The following NOXRED1 variants were observed in gnomAD, a reference collection of about 807,000 sequenced individuals.
NOXRED1 encodes NADP dependent oxidoreductase domain containing 1, also known as NADP-dependent oxidoreductase domain-containing protein 1.
Under a neutral mutation model 30.4 loss-of-function variants are expected in NOXRED1, and 20 were observed. The ratio of observed to expected loss-of-function variants is 0.66; its 90% CI spans 0.46 to 0.96. The LOEUF (loss-of-function observed/expected upper bound fraction) is 0.96, where lower values mean the gene tolerates loss of function less well. NOXRED1 is among the 40% of genes least tolerant of loss of function. The pLI, the probability that NOXRED1 is intolerant of heterozygous loss-of-function variation, is 0.00. For synonymous variants in NOXRED1, 155 were observed against 168.0 expected (o/e 0.92, Z 0.60); for missense variants, 374 against 428.0 (o/e 0.87, Z 1.11).
At chr14:77,408,798 G>T (rs1894552913) in intron 2 of NOXRED1, among the ~76,000 whole-genome samples, 1 of 149,734 alleles carries the variant, frequency 6.7e-6, no homozygotes, top group African/African-American at 2.4e-5. Context: ...AACAGTTTCT[G>T]TAAAGTATAT....
At chr14:77,405,875 G>A (rs1198013874) in intron 5 of NOXRED1, 38 bp downstream of exon 5, 1 of 1,213,732 alleles carries the variant, frequency 8.2e-7, no homozygotes, top group Non-Finnish European at 1.2e-6. Flanking sequence ...AGAAGAGTCT[G>A]GGAGAAATGA....
intron 2 of NOXRED1, among the ~76,000 whole-genome samples, chr14:77,412,118 A>T (rs1212331103): frequency 1.3e-5 from 2 of 151,652 alleles, no homozygotes; most frequent in Non-Finnish European, 2.9e-5. Context: ...AAAAAAAAAA[A>T]AAAAAAAAAT....
At chr14:77,424,736 T>C (rs1347169561), upstream of NOXRED1, among the ~76,000 whole-genome samples, 1 of 152,224 alleles carries the variant, frequency 6.6e-6, no homozygotes, top group Admixed American at 6.5e-5. Context: ...TCAGTTGTTA[T>C]ATTTTGTATT....
At chr14:77,402,357 G>C (rs1894350995) in intron 5 of NOXRED1, among the ~76,000 whole-genome samples, 1 of 152,256 alleles carries the variant, frequency 6.6e-6, no homozygotes, top group Non-Finnish European at 1.5e-5. Flanking sequence ...CGGGCGCCAT[G>C]GCTCACGCCT....
Position 77,398,692 on chromosome 14 carries a change from C to T in NOXRED1, c.906-3887G>A, listed in dbSNP as rs139380438. Among the ~76,000 whole-genome samples the T allele has an allele frequency of 7.7e-3, 1,171 of 152,236 alleles. 9 individuals carry two copies. Among genetic ancestry groups the T allele is most frequent in the African/African-American group, 0.027 (1,120 of 41,542 alleles). ...CATTATTAAAGACCTATTTACAGGC[C>T]GGGTGCGATGGCTCATGCCTGTAAT... On this transcript the variant is annotated intron_variant, in intron 5 of 5. Coordinates refer to ENST00000380835, the MANE Select transcript of NOXRED1 (RefSeq NM_001113475.3).
rs999689478 is a variant in NOXRED1 at position 77,394,733 on chromosome 14, A to T, written c.978T>A (p.Ser326Arg). ...ETPFSQHLSS[S>R]PVLQDHLTHL... Reference sequence around the variant, plus strand: ...GGGTAAGGTGGTCTTGGAGAACAGGACTACTTGAGAGATGCTGGCTAAACG... The same window carrying T: ...GGGTAAGGTGGTCTTGGAGAACAGGTCTACTTGAGAGATGCTGGCTAAACG... Residue 326 changes from serine to arginine, a missense_variant, in exon 6 of 6, where the codon AGT (serine) becomes AGA (arginine). Ser to Arg is a moderately radical substitution (Grantham distance 110). Transcript: ENST00000380835. The T allele has an allele frequency of 2.5e-6, 4 of 1,613,292 alleles. No individual in the cohort carries two copies. Among genetic ancestry groups the T allele is most frequent in the Non-Finnish European group, 3.4e-6 (4 of 1,179,240 alleles).
In NOXRED1 at chr14:77,415,635, C is replaced by T. The variant is rs377530923; in HGVS notation, c.156-1508G>A. 1.0e-3 allele frequency among the ~76,000 whole-genome samples: 138 copies of T among 138,188 alleles called. 1 individual carries two copies. Among genetic ancestry groups the T allele is most frequent in the African/African-American group, 3.4e-3 (125 of 36,380 alleles). The allele number at this position is 138,188 out of a possible 152,430, so 90.7% of individuals were successfully genotyped here. A position where few individuals can be genotyped will look rare whatever the true frequency, so the allele number is the denominator to read the frequency against. ...ATAGATAGATAGATAGATAGATAGACAGACAGACAGACATATAGATATAGT... is the reference window on the plus strand; with the variant it reads ...ATAGATAGATAGATAGATAGATAGATAGACAGACAGACATATAGATATAGT... On this transcript the variant is annotated intron_variant, in intron 1 of 5. Transcript: ENST00000380835.
chr14:77,400,349 C>T (rs1894295168), intron 5 of NOXRED1, among the ~76,000 whole-genome samples: 1 of 152,206 alleles, frequency 6.6e-6, no homozygotes, highest in Non-Finnish European at 1.5e-5. Context: ...ACACTGTAAA[C>T]CAGAAAGTAT....
rs1334777776 is a variant in NOXRED1, at chr14:77,407,520, T to C, written c.475A>G (p.Ser159Gly). ...LPNICVEIYT[S>G]LEKASIVYSF... ...TACACAATGCTGGCCTTCTCAAGGC[T>C]GGTGTAAATTTCTACGCAGATATTA... Residue 159 changes from serine to glycine, a missense_variant, in exon 3 of 6, where the codon AGC becomes GGC. Ser to Gly is a moderately conservative substitution (Grantham distance 56, BLOSUM62 0). Coordinates refer to ENST00000380835, the MANE Select transcript of NOXRED1 (RefSeq NM_001113475.3). 1 of 1,613,952 alleles carries C rather than the reference T, an allele frequency of 6.2e-7. No homozygotes were observed. Among genetic ancestry groups the C allele is most frequent in the Non-Finnish European group, 8.5e-7 (1 of 1,179,924 alleles).
chr14:77,395,847 G>A lies in NOXRED1; in HGVS notation c.906-1042C>T, dbSNP rs761777704. On this transcript the variant is annotated intron_variant, in intron 5 of 5. Transcript: ENST00000380835. The stretch of plus-strand genomic sequence containing the variant: ...GTTAATATGCAAATGAATACCTAAC[G>A]GGGCAACATTAAGTATTAGTCTATA... Among the ~76,000 whole-genome samples the A allele has an allele frequency of 4.7e-4, 72 of 151,940 alleles. 2 individuals carry two copies. Among genetic ancestry groups the A allele is most frequent in the Admixed American group, 2.9e-3 (44 of 15,246 alleles).
At chr14:77,396,421 G>A (rs961209580) in intron 5 of NOXRED1, among the ~76,000 whole-genome samples, 7 of 151,804 alleles carry the variant, frequency 4.6e-5, no homozygotes, top group African/African-American at 1.7e-4. Flanking sequence ...GGCTAATTTT[G>A]TATTTTTAAT....
chr14:77,406,796 C>A lies in NOXRED1; in HGVS notation c.610G>T (p.Ala204Ser), dbSNP rs745411089. ...AGAGCAGCTATGACTCCCTTATTGG[C>A]CCCCCAGACGCTGACAGAATCTTCA... ...YDEDSVSVWG[A>S]NKGVIAALQD... Residue 204 changes from alanine to serine, a missense_variant, in exon 4 of 6, where the codon GCC becomes TCC. Ala to Ser is a moderately conservative substitution (Grantham distance 99). Transcript: ENST00000380835. 1 of 1,613,190 alleles carries A rather than the reference C, an allele frequency of 6.2e-7. No individual in the cohort carries two copies.
At chr14:77,403,998 A>G (rs765071165) in intron 5 of NOXRED1, among the ~76,000 whole-genome samples, 4 of 152,162 alleles carry the variant, frequency 2.6e-5, no homozygotes, top group Non-Finnish European at 5.9e-5. Flanking sequence ...TGTAGATGCA[A>G]TCCCTCAAAA....
At chr14:77,403,862 G>A (rs1894388728) in intron 5 of NOXRED1, among the ~76,000 whole-genome samples, 1 of 152,132 alleles carries the variant, frequency 6.6e-6, no homozygotes, top group African/African-American at 2.4e-5. Context: ...ACTCTCAGTA[G>A]CAACTCTAGA....
In NOXRED1 at chr14:77,395,385, C is replaced by T. The variant is rs374045615; in HGVS notation, c.906-580G>A. ...CCTCCCAAAGTGCTGGGATTACAGG[C>T]GTGAGCCACTGCGCCCGGCTGCAGA... On this transcript the variant is annotated intron_variant, in intron 5 of 5. Coordinates refer to ENST00000380835, the MANE Select transcript of NOXRED1 (RefSeq NM_001113475.3). 6.4e-4 allele frequency among the ~76,000 whole-genome samples: 98 copies of T among 152,040 alleles called. No homozygotes were observed. In the South Asian group the frequency reaches 7.1e-3, roughly 11 times the overall value.
chr14:77,424,276 C>T (rs1281174750), upstream of NOXRED1, among the ~76,000 whole-genome samples: 2 of 152,102 alleles, frequency 1.3e-5, no homozygotes, highest in Non-Finnish European at 1.5e-5. Context: ...CGGTGAAACC[C>T]CATCTCTACT....
At chr14:77,409,957 C>T (rs535406699) in intron 2 of NOXRED1, among the ~76,000 whole-genome samples, 1 of 152,102 alleles carries the variant, frequency 6.6e-6, no homozygotes, top group African/African-American at 2.4e-5. Flanking sequence ...TATGTGCCAT[C>T]ATGCCTGGCT....
At chr14:77,419,412 A>G (rs1435236598) in intron 1 of NOXRED1, among the ~76,000 whole-genome samples, 1 of 114,198 alleles carries the variant, frequency 8.8e-6, no homozygotes, top group Non-Finnish European at 1.8e-5. Context: ...AAGAGATAGT[A>G]TTCTTGGTTG....
At chr14:77,413,683 A>G (rs1036338963) in intron 2 of NOXRED1, among the ~76,000 whole-genome samples, 2 of 152,172 alleles carry the variant, frequency 1.3e-5, no homozygotes, top group African/African-American at 4.8e-5. Context: ...CCTGTATCAA[A>G]GATCTGGAAA....
Sources: gnomAD v4.1 joint callset for allele counts (sites outside exome capture counted in the v4.1 genomes callset) on GRCh38, gnomAD v4.1.1 for gene constraint, MANE v1.5 for transcripts, NCBI Gene and HGNC (gene_info 2026-07-23, HGNC 2026-07-21) for gene names.